FRMPD4: variants seen among roughly 807,000 people sequenced by gnomAD.
FRMPD4 encodes FERM and PDZ domain-containing protein 4.
FRMPD4 carries 22 observed loss-of-function variants against 94.1 expected under a neutral mutation model. That is an observed-to-expected ratio of 0.23 (90% CI 0.17 to 0.33). The LOEUF (loss-of-function observed/expected upper bound fraction) is 0.33, where lower values mean the gene tolerates loss of function less well. Ranked by LOEUF, FRMPD4 falls within the 10% of genes least tolerant of loss-of-function variation. The probability of loss-of-function intolerance (pLI) is 1.00; values close to 1 mark genes in which losing one functional copy is unlikely to be tolerated. For synonymous variants in FRMPD4, 631 were observed against 548.6 expected (o/e 1.15, Z -2.10); for missense variants, 1,111 against 1,339.9 (o/e 0.83, Z 2.67).
chrX:11,909,425 T>A (rs2053984927), intron 3 of FRMPD4, among the ~76,000 whole-genome samples: 1 of 111,801 alleles, frequency 8.9e-6, no homozygotes, highest in Non-Finnish European at 1.9e-5. Context: ...ATTGTTGATA[T>A]GTATATTTCT....
intron 2 of FRMPD4, among the ~76,000 whole-genome samples, chrX:12,544,057 A>T (rs1194321080): frequency 1.1e-5 from 1 of 89,986 alleles, no homozygotes; most frequent in Non-Finnish European, 2.1e-5. Context: ...GGACACAGGA[A>T]GGGGAACATC....
intron 3 of FRMPD4, among the ~76,000 whole-genome samples, chrX:11,912,624 G>A (rs1028185194): frequency 1.8e-5 from 2 of 111,671 alleles, no homozygotes; most frequent in African/African-American, 3.3e-5. Flanking sequence ...AACTTTGCCT[G>A]TGGATTTCCA....
chrX:12,599,172 C>T (rs780026336), intron 2 of FRMPD4, among the ~76,000 whole-genome samples: 2 of 111,350 alleles, frequency 1.8e-5, no homozygotes, highest in South Asian at 3.8e-4. Flanking sequence ...TCCTCAACTA[C>T]TGCCCTAAAA....
At chrX:12,184,042 A>G (rs746016110) in intron 1 of FRMPD4, among the ~76,000 whole-genome samples, 3 of 110,622 alleles carry the variant, frequency 2.7e-5, no homozygotes, top group Non-Finnish European at 3.8e-5. Context: ...CTGGAACTGC[A>G]TATTGAAAGT....
intron 3 of FRMPD4, among the ~76,000 whole-genome samples, chrX:11,957,013 G>A (rs1414085380): frequency 8.9e-6 from 1 of 112,166 alleles, no homozygotes; most frequent in East Asian, 2.8e-4. Flanking sequence ...TATCTGTGTA[G>A]CACATTTTCT....
At chrX:11,955,483 A>AATAT (rs2054250708) in intron 3 of FRMPD4, among the ~76,000 whole-genome samples, 1 of 107,929 alleles carries the variant, frequency 9.3e-6, no homozygotes. Context: ...TAAATAAATA[A>AATAT]ATGTATGTAT....
intron 2 of FRMPD4, among the ~76,000 whole-genome samples, chrX:12,566,898 G>A (rs1280688421): frequency 9.5e-6 from 1 of 104,884 alleles, no homozygotes; most frequent in Non-Finnish European, 1.9e-5. Context: ...AGCTCTCAGC[G>A]AAGAGAAAAC....
intron 1 of FRMPD4, among the ~76,000 whole-genome samples, chrX:12,389,741 C>G (rs1196621628): frequency 2.7e-5 from 3 of 111,558 alleles, no homozygotes; most frequent in Non-Finnish European, 5.7e-5. Flanking sequence ...ATTGTAAATA[C>G]TATTATTTTG....
chrX:12,629,193 C>T (rs1212303094), intron 4 of FRMPD4, among the ~76,000 whole-genome samples: 1 of 112,268 alleles, frequency 8.9e-6, no homozygotes, highest in African/African-American at 3.2e-5. Context: ...ACAGCTTTTA[C>T]CCTCAGTTTC....
intron 1 of FRMPD4, among the ~76,000 whole-genome samples, chrX:12,468,793 CAG>C (rs2057477292): frequency 8.9e-6 from 1 of 111,755 alleles, no homozygotes; most frequent in Non-Finnish European, 1.9e-5. Flanking sequence ...TGAAAGCACA[CAG>C]AAATTTTTGG....
intron 1 of FRMPD4, among the ~76,000 whole-genome samples, chrX:12,286,817 T>C (rs1417866790): frequency 1.1e-4 from 12 of 108,600 alleles, no homozygotes; most frequent in African/African-American, 3.8e-4. Context: ...GAAAAAAAAA[T>C]GGTCCATTGA....
chrX:12,517,865 C>G (rs1413782652), intron 2 of FRMPD4, among the ~76,000 whole-genome samples: 1 of 112,476 alleles, frequency 8.9e-6, no homozygotes, highest in African/African-American at 3.2e-5. Context: ...GGGCTCTTTT[C>G]CAGGGAGATT....
intron 1 of FRMPD4, among the ~76,000 whole-genome samples, chrX:11,841,145 A>G (rs966126607): frequency 9.2e-6 from 1 of 108,683 alleles, no homozygotes; most frequent in Non-Finnish European, 1.9e-5. Flanking sequence ...CCAGTCTATC[A>G]TTGTTGGACA....
chrX:12,182,505 C>T (rs2056372005), intron 1 of FRMPD4, among the ~76,000 whole-genome samples: 1 of 110,608 alleles, frequency 9.0e-6, no homozygotes, highest in Non-Finnish European at 1.9e-5. Flanking sequence ...AACCTAGTTA[C>T]ATTTCTCAGT....
chrX:11,825,078 T>A lies in FRMPD4; in HGVS notation c.-161+2363T>A, dbSNP rs142294121. On this transcript the variant is annotated intron_variant, in intron 1 of 18. Coordinates refer to the FRMPD4 transcript ENST00000640291. ...CTCAAAGGATAAAACTGTTATGGTC[T>A]GGGTGCAGGAGAAAAACAAGAACAG... Among the ~76,000 whole-genome samples, 77 of 110,888 alleles carry A rather than the reference T, an allele frequency of 6.9e-4. No homozygotes were observed. The East Asian group carries it at 0.02, about 28-fold the overall frequency.
intron 3 of FRMPD4, among the ~76,000 whole-genome samples, chrX:12,108,440 G>A (rs2055321094): frequency 8.9e-6 from 1 of 111,936 alleles, no homozygotes; most frequent in Admixed American, 9.5e-5. Flanking sequence ...ACATGGAAAG[G>A]AACAACCAGT....
chrX:12,718,828 C>A, intron 16 of FRMPD4, 38 bp downstream of exon 16: 3 of 839,640 alleles, frequency 3.6e-6, no homozygotes, highest in Non-Finnish European at 5.2e-6. Context: ...GTATGACATG[C>A]CAAGAGCATG....
intron 13 of FRMPD4, among the ~76,000 whole-genome samples, chrX:12,708,489 A>C (rs1046013006): frequency 9.2e-6 from 1 of 109,068 alleles, no homozygotes; most frequent in South Asian, 4.0e-4. Flanking sequence ...AAAAAACACA[A>C]AAATCTGAGA....
At chrX:12,395,478 C>T (rs1688848622) in intron 1 of FRMPD4, among the ~76,000 whole-genome samples, 1 of 112,029 alleles carries the variant, frequency 8.9e-6, no homozygotes, top group African/African-American at 3.2e-5. Flanking sequence ...ATAATTTTTA[C>T]ATTATATGGA....
Sources: allele counts gnomAD v4.1 joint callset (sites outside exome capture counted in the v4.1 genomes callset), GRCh38; gene constraint gnomAD v4.1.1; transcripts MANE v1.5; gene names NCBI Gene and HGNC (gene_info 2026-07-23, HGNC 2026-07-21).